The following AGXT2 variants were observed in gnomAD, a reference collection of about 807,000 sequenced individuals.
AGXT2 encodes alanine--glyoxylate aminotransferase 2.
Under a neutral mutation model 62.5 loss-of-function variants are expected in AGXT2, and 61 were observed. The ratio of observed to expected loss-of-function variants is 0.98; its 90% CI spans 0.79 to 1.21. The LOEUF (loss-of-function observed/expected upper bound fraction) is 1.21. Ranked by LOEUF, AGXT2 falls within the 50% of genes most tolerant of loss-of-function variation. AGXT2 has a pLI of 0.00. For synonymous variants in AGXT2, 243 were observed against 218.7 expected (o/e 1.11, Z -0.98); for missense variants, 666 against 641.5 (o/e 1.04, Z -0.41).
chr5:35,025,872 C>A lies in AGXT2; in HGVS notation c.871-17G>T, dbSNP rs2112243273. 6.2e-7 allele frequency: 1 copy of A among 1,607,062 alleles called. No homozygotes were observed. The highest frequency in any genetic ancestry group is 2.2e-5 in the East Asian group (1 of 44,844). On this transcript the variant is annotated splice_polypyrimidine_tract_variant and intron_variant, in intron 8 of 13. Transcript: ENST00000231420. ...ATTCACACCCTGCAAAAGACCAGACCAAGAAGACCTATAATAATAGCATCA... is the reference window on the plus strand; with the variant it reads ...ATTCACACCCTGCAAAAGACCAGACAAAGAAGACCTATAATAATAGCATCA...
At chr5:35,012,930 G>T in intron 11 of AGXT2, 24 bp downstream of exon 11, 7 of 1,548,758 alleles carry the variant, frequency 4.5e-6, no homozygotes, top group Non-Finnish European at 6.1e-6. Context: ...AATGAGTGAG[G>T]TTAATGTGGC....
chr5:35,011,233 G>A (rs1038846350), intron 11 of AGXT2, among the ~76,000 whole-genome samples: 4 of 152,256 alleles, frequency 2.6e-5, no homozygotes, highest in Admixed American at 2.6e-4. Context: ...GCTGAGGTGG[G>A]TGGATCACTT....
At chr5:35,032,564 G>A (rs1378970996) in intron 7 of AGXT2, among the ~76,000 whole-genome samples, 168 bp downstream of exon 7, 9 of 152,180 alleles carry the variant, frequency 5.9e-5, no homozygotes, top group Admixed American at 5.9e-4. Context: ...GCAGACATAA[G>A]CGTTGATTCA....
intron 7 of AGXT2, chr5:35,026,992 T>C: frequency 1.0e-6 from 1 of 985,446 alleles, no homozygotes; most frequent in Non-Finnish European, 1.2e-6. Flanking sequence ...AATATGCTTG[T>C]AGAACAATTA....
At chr5:35,045,674 T>A (rs1434182096) in intron 1 of AGXT2, among the ~76,000 whole-genome samples, 1 of 151,880 alleles carries the variant, frequency 6.6e-6, no homozygotes, top group African/African-American at 2.4e-5. Context: ...GGTAAGAAAG[T>A]AGACATAAAA....
chr5:35,014,121 T>C lies in AGXT2; in HGVS notation c.964-2A>G, dbSNP rs768095873. 1 of 1,614,036 alleles carries C rather than the reference T, an allele frequency of 6.2e-7. No homozygotes were observed. Among genetic ancestry groups the C allele is most frequent in the African/African-American group, 1.3e-5 (1 of 75,018 alleles). ...CAACCTTCCAAATCCTGTCTGCACC[T>C]GGGAAAACAAGTTCAAAACCATTGG... On this transcript the variant is annotated splice_acceptor_variant, in intron 9 of 13. Coordinates refer to ENST00000231420, the MANE Select transcript of AGXT2 (RefSeq NM_031900.4). LOFTEE classifies it high-confidence loss of function.
chr5:35,003,873 T>G lies in AGXT2; in HGVS notation c.1339-12A>C, dbSNP rs191787842. On this transcript the variant is annotated splice_polypyrimidine_tract_variant and intron_variant, in intron 12 of 13. Transcript: ENST00000231420. ...GGCCGACAGCTTATCTGTAAATATA[T>G]TTTTAAAATTCTTTCTATTTGGTGT... 424 of 1,611,234 alleles carry G rather than the reference T, an allele frequency of 2.6e-4. 2 individuals are homozygous for G. The African/African-American group carries it at 4.9e-3, about 19-fold the overall frequency.
At chr5:35,038,595 G>C (rs529910018) in intron 3 of AGXT2, among the ~76,000 whole-genome samples, 3 of 152,134 alleles carry the variant, frequency 2.0e-5, no homozygotes, top group African/African-American at 7.2e-5. Flanking sequence ...CCTGAGGGGG[G>C]GGACTCTTTG....
chr5:35,002,351 C>T (rs1468712846), intron 13 of AGXT2, among the ~76,000 whole-genome samples: 2 of 152,018 alleles, frequency 1.3e-5, no homozygotes, highest in Non-Finnish European at 2.9e-5. Context: ...ATGGGGGTTT[C>T]CTTGAGTGAA....
chr5:35,016,442 A>C (rs1766852603), intron 9 of AGXT2, among the ~76,000 whole-genome samples: 10 of 152,202 alleles, frequency 6.6e-5, no homozygotes, highest in Admixed American at 6.5e-4. Flanking sequence ...AAGGATGAAC[A>C]CACAAGTAAC....
intron 13 of AGXT2, among the ~76,000 whole-genome samples, 167 bp downstream of exon 13, chr5:35,003,596 C>T (rs1275064900): frequency 1.3e-5 from 2 of 151,366 alleles, no homozygotes; most frequent in African/African-American, 4.9e-5. Flanking sequence ...TTTTTGTACC[C>T]GAGCTTCATC....
At chr5:35,012,254 T>C (rs558569864) in intron 11 of AGXT2, 1 of 151,288 alleles carries the variant, frequency 6.6e-6, no homozygotes, top group African/African-American at 2.4e-5. Flanking sequence ...TATACATATA[T>C]AAATATATAT....
At chr5:35,043,129 A>G (rs1326584373) in intron 1 of AGXT2, among the ~76,000 whole-genome samples, 1 of 152,202 alleles carries the variant, frequency 6.6e-6, no homozygotes, top group East Asian at 1.9e-4. Flanking sequence ...TCTTTCCCCA[A>G]AATCATAATA....
chr5:35,014,079 C>T lies in AGXT2; in HGVS notation c.1004G>A (p.Gly335Asp), dbSNP rs1251990727. Residue 335 changes from glycine (G) to aspartate (D), a missense_variant, in exon 10 of 14, where the codon GGC becomes GAC. Gly to Asp is a moderately conservative substitution (Grantham distance 94, BLOSUM62 -1). Coordinates refer to ENST00000231420, the MANE Select transcript of AGXT2 (RefSeq NM_031900.4). The part of the protein sequence containing the change: ...GFGRLGSHFW[G>D]FQTHDVLPDI... ...AGGCAGGACATCGTGGGTTTGGAAG[C>T]CCCAGAAGTGAGAGCCCAACCTTCC... is the stretch of plus-strand genomic sequence containing the variant. The T allele has an allele frequency of 6.2e-7, 1 of 1,614,072 alleles. No homozygotes were observed. The highest frequency in any genetic ancestry group is 1.3e-5 in the African/African-American group (1 of 75,022).
At chr5:35,010,206 G>T (rs942065540) in intron 11 of AGXT2, 57 bp from the exon 12 acceptor site, 11 of 1,606,162 alleles carry the variant, frequency 6.8e-6, no homozygotes, top group Non-Finnish European at 9.4e-6. Context: ...GATTGACTGA[G>T]AATCGTGGAG....
chr5:35,046,074 T>A (rs1158099492), intron 1 of AGXT2, among the ~76,000 whole-genome samples: 1 of 152,032 alleles, frequency 6.6e-6, no homozygotes, highest in Non-Finnish European at 1.5e-5. Flanking sequence ...GCCAGTGGTG[T>A]GGTTTTCCAA....
intron 9 of AGXT2, among the ~76,000 whole-genome samples, chr5:35,015,276 A>G (rs564047578): frequency 2.6e-5 from 4 of 152,314 alleles, no homozygotes; most frequent in Non-Finnish European, 5.9e-5. Context: ...TTCTGTATCC[A>G]TAACACCTAG....
Position 35,047,917 on chromosome 5 carries a change from C to A in AGXT2, c.-25G>T. 1 of 1,613,748 alleles carries A rather than the reference C, an allele frequency of 6.2e-7. No individual in the cohort carries two copies. Among genetic ancestry groups the A allele is most frequent in the Non-Finnish European group, 8.5e-7 (1 of 1,179,864 alleles). On this transcript the variant is annotated 5_prime_UTR_variant, in exon 1 of 14. Transcript: ENST00000231420. Reference sequence around the variant, plus strand: ...TTTCTCCCACTCAGAAAGCCAACCCCCATGGAAGCAGATTGGAGGCCGGGC... The same window carrying A: ...TTTCTCCCACTCAGAAAGCCAACCCACATGGAAGCAGATTGGAGGCCGGGC...
At chr5:35,044,227 A>T (rs917214254) in intron 1 of AGXT2, among the ~76,000 whole-genome samples, 60 of 152,250 alleles carry the variant, frequency 3.9e-4, no homozygotes, top group African/African-American at 1.3e-3. Flanking sequence ...AGGCCTGCTG[A>T]AGCTGTGTTG....
Sources: allele counts gnomAD v4.1 joint callset (sites outside exome capture counted in the v4.1 genomes callset), GRCh38; gene constraint gnomAD v4.1.1; transcripts MANE v1.5; gene names NCBI Gene and HGNC (gene_info 2026-07-23, HGNC 2026-07-21).